Variants in MOCS1 observed in about 807,000 individuals in gnomAD.
MOCS1 encodes the protein molybdenum cofactor synthesis 1.
A neutral mutation model predicts 57.6 loss-of-function variants in MOCS1; 39 were observed. The observed-to-expected ratio is 0.68, with a 90% CI of 0.52 to 0.88. MOCS1 has a LOEUF of 0.88. Among genes scored for constraint, MOCS1 ranks in the 40% least tolerant of loss-of-function variants. The probability of loss-of-function intolerance (pLI) is 0.00; values close to 1 mark genes in which losing one functional copy is unlikely to be tolerated. For synonymous variants in MOCS1, 334 were observed against 335.7 expected, an observed-to-expected ratio of 1.00 and a Z score of 0.05; for missense variants, 795 against 831.1, an observed-to-expected ratio of 0.96 and a Z score of 0.53.
At chr6:39,931,807 C>A (rs555656102) in intron 1 of MOCS1, among the ~76,000 whole-genome samples, 1 of 152,176 alleles carries the variant, frequency 6.6e-6, no homozygotes, top group Non-Finnish European at 1.5e-5. Context: ...ACCCTCCCTG[C>A]TTCCCCCGCC....
rs774902198 is a variant in MOCS1, at chr6:39,912,290, G to A, written c.955C>T (p.Arg319Ter). The stretch of plus-strand genomic sequence containing the variant: ...TTGAGGTTCCCATCAGCTGTGATTC[G>A]CAGGCGGTTGCAGGTCCCACAGAAA... ...EHFCGTCNRL[R>*]ITADGNLKVC... Residue 319 changes from arginine (R) to a stop codon, truncating the protein, a stop_gained, in exon 8 of 11, where the codon CGA becomes TGA. Transcript: ENST00000340692. LOFTEE classifies it high-confidence loss of function. The A allele has an allele frequency of 1.9e-6, 3 of 1,613,044 alleles. No homozygotes were observed. Among genetic ancestry groups the A allele is most frequent in the Non-Finnish European group, 1.7e-6 (2 of 1,179,774 alleles).
At position 39,934,439 on chromosome 6, in the gene MOCS1, C is replaced by G; in HGVS notation, c.-22G>C. The G allele has an allele frequency of 1.3e-6, 2 of 1,562,468 alleles. No homozygotes were observed. Among genetic ancestry groups the G allele is most frequent in the Non-Finnish European group, 1.7e-6 (2 of 1,160,684 alleles). ...CCATGAAGCCTGATACGAGCGGAAC[C>G]GCAGCCCGCTTCGGGAGCACACTGG... is the stretch of plus-strand genomic sequence containing the variant. On this transcript the variant is annotated 5_prime_UTR_variant, in exon 1 of 11. Transcript: ENST00000340692.
Position 39,905,498 on chromosome 6 carries a change from C to T in MOCS1, c.*859G>A. On this transcript the variant is annotated 3_prime_UTR_variant, in exon 11 of 11. Transcript: ENST00000340692. ...AACTGCAGCAGCTCAGTGCCCTACC[C>T]ACACAGTGTCTTCATTCTTGCATCT... 2.1e-6 allele frequency: 1 copy of T among 471,186 alleles called. No homozygotes were observed. The highest frequency in any genetic ancestry group is 4.4e-6 in the Non-Finnish European group (1 of 227,068). 29.2% of individuals were successfully genotyped at this position (471,186 alleles called of 1,614,324 possible). A position where few individuals can be genotyped will look rare whatever the true frequency, so the allele number is the denominator to read the frequency against.
intron 1 of MOCS1, among the ~76,000 whole-genome samples, chr6:39,930,770 G>A (rs1768604422): frequency 6.6e-6 from 1 of 152,180 alleles, no homozygotes; most frequent in Non-Finnish European, 1.5e-5. Flanking sequence ...TTAATCCAGG[G>A]CAAGTTGTTG....
chr6:39,917,301 T>C (rs1767714669), intron 3 of MOCS1, among the ~76,000 whole-genome samples: 1 of 152,106 alleles, frequency 6.6e-6, no homozygotes, highest in Non-Finnish European at 1.5e-5. Flanking sequence ...GAAAAGCCCC[T>C]TATAAAAATC....
intron 1 of MOCS1, among the ~76,000 whole-genome samples, chr6:39,928,571 C>CA (rs1175751188): frequency 6.6e-6 from 1 of 151,324 alleles, no homozygotes; most frequent in South Asian, 2.1e-4. Flanking sequence ...ATATTTCAGA[C>CA]AAAAAAATCA....
chr6:39,914,486 C>G (rs888940404), intron 4 of MOCS1, among the ~76,000 whole-genome samples: 1 of 152,184 alleles, frequency 6.6e-6, no homozygotes, highest in African/African-American at 2.4e-5. Flanking sequence ...GGCTGGTAAG[C>G]AATTATTGTC....
In MOCS1 at chr6:39,934,447, G is replaced by C; in HGVS notation, c.-30C>G. On this transcript the variant is annotated 5_prime_UTR_variant, in exon 1 of 11. Transcript: ENST00000340692. Reference sequence around the variant, plus strand: ...CCTGATACGAGCGGAACCGCAGCCCGCTTCGGGAGCACACTGGCCGGGCAC... The same window carrying C: ...CCTGATACGAGCGGAACCGCAGCCCCCTTCGGGAGCACACTGGCCGGGCAC... 1 of 1,559,056 alleles carries C rather than the reference G, an allele frequency of 6.4e-7. No individual in the cohort carries two copies. The highest frequency in any genetic ancestry group is 1.3e-5 in the African/African-American group (1 of 74,202).
chr6:39,924,553 T>C (rs1057041533), intron 3 of MOCS1, among the ~76,000 whole-genome samples: 4 of 152,234 alleles, frequency 2.6e-5, no homozygotes, highest in Non-Finnish European at 1.5e-5. Context: ...TGCCACACTT[T>C]TTCTGTGGAA....
Position 39,909,822 on chromosome 6 carries a change from A to C in MOCS1, c.1102+13T>G, listed in dbSNP as rs1582805788. The stretch of plus-strand genomic sequence containing the variant: ...CTCACCATCCAGGCCAGCCCTCCCC[A>C]CCCTGCACTTACCTGCATGCTGCCG... On this transcript the variant is annotated intron_variant, in intron 9 of 10. Transcript: ENST00000340692. 1 of 1,611,888 alleles carries C rather than the reference A, an allele frequency of 6.2e-7. No homozygotes were observed. Among genetic ancestry groups the C allele is most frequent in the African/African-American group, 1.3e-5 (1 of 74,896 alleles).
At position 39,904,708 on chromosome 6, in the gene MOCS1, T is replaced by C. The variant is rs2149391518; in HGVS notation, c.*1649A>G. Reference sequence around the variant, plus strand: ...ACTGTGACTATCTATCTCCCCCGACTTCTACCAGGGATGCCTTCACGCCAA... The same window carrying C: ...ACTGTGACTATCTATCTCCCCCGACCTCTACCAGGGATGCCTTCACGCCAA... On this transcript the variant is annotated 3_prime_UTR_variant, in exon 11 of 11. Transcript: ENST00000340692. 1 of 454,106 alleles carries C rather than the reference T, an allele frequency of 2.2e-6. No homozygotes were observed. Among genetic ancestry groups the C allele is most frequent in the South Asian group, 1.6e-5 (1 of 64,478 alleles). 28.1% of individuals were successfully genotyped at this position (454,106 alleles called of 1,614,324 possible).
chr6:39,913,489 C>A, intron 5 of MOCS1, 61 bp from the exon 6 acceptor site: 3 of 1,446,184 alleles, frequency 2.1e-6, no homozygotes, highest in Non-Finnish European at 2.9e-6. Context: ...GTGGAGATGA[C>A]CCTTGGGGGC....
chr6:39,931,734 C>T (rs1279517615), intron 1 of MOCS1, among the ~76,000 whole-genome samples: 2 of 152,138 alleles, frequency 1.3e-5, no homozygotes, highest in Non-Finnish European at 2.9e-5. Flanking sequence ...AGCCTAACCC[C>T]TAGCCAGCAT....
intron 3 of MOCS1, among the ~76,000 whole-genome samples, chr6:39,925,206 G>A (rs770202862): frequency 8.6e-5 from 13 of 151,742 alleles, no homozygotes; most frequent in Non-Finnish European, 1.5e-4. Flanking sequence ...ACATGAGGAC[G>A]CACTTTAGAC....
At chr6:39,925,346 G>A (rs769057137) in intron 3 of MOCS1, among the ~76,000 whole-genome samples, 1 of 152,110 alleles carries the variant, frequency 6.6e-6, no homozygotes, top group Non-Finnish European at 1.5e-5. Context: ...TGAATGGGAA[G>A]GAGGGGAAAG....
At chr6:39,908,063 G>C (rs114416590) in intron 10 of MOCS1, among the ~76,000 whole-genome samples, 2 of 152,290 alleles carry the variant, frequency 1.3e-5, no homozygotes, top group African/African-American at 4.8e-5. Context: ...CATGGGTCAG[G>C]GCCCAACAAG....
chr6:39,924,805 G>A (rs935583428), intron 3 of MOCS1, among the ~76,000 whole-genome samples: 1 of 152,200 alleles, frequency 6.6e-6, no homozygotes, highest in Non-Finnish European at 1.5e-5. Flanking sequence ...ATGGCAGGAT[G>A]CAGTGGCTCA....
At position 39,908,076 on chromosome 6, in the gene MOCS1, G is replaced by T. The variant is rs1923486; in HGVS notation, c.1151-959C>A. Among the ~76,000 whole-genome samples, 1,593 of 152,300 alleles carry T rather than the reference G, an allele frequency of 0.01. 164 individuals carry two copies. In the East Asian group the frequency reaches 0.24, roughly 23 times the overall value. On this transcript the variant is annotated intron_variant, in intron 10 of 10. Coordinates refer to ENST00000340692, the MANE Select transcript of MOCS1 (RefSeq NM_001358530.2). Reference sequence around the variant, plus strand: ...AGCATGGGTCAGGGCCCAACAAGAGGACTTGGATGCTGGGGGTGGGAGGAG... The same window carrying T: ...AGCATGGGTCAGGGCCCAACAAGAGTACTTGGATGCTGGGGGTGGGAGGAG...
At chr6:39,934,163 C>T (rs1768786629) in intron 1 of MOCS1, 132 bp downstream of exon 1, 3 of 1,245,534 alleles carry the variant, frequency 2.4e-6, no homozygotes, top group African/African-American at 1.6e-5. Flanking sequence ...AACATCGCTC[C>T]ACTGAGGAGT....
Sources: allele counts gnomAD v4.1 joint callset (sites outside exome capture counted in the v4.1 genomes callset), GRCh38; gene constraint gnomAD v4.1.1; transcripts MANE v1.5; gene names NCBI Gene and HGNC (gene_info 2026-07-23, HGNC 2026-07-21).